Variants in TYW1B observed in about 807,000 individuals in gnomAD.
TYW1B encodes the protein S-adenosyl-L-methionine-dependent tRNA 4-demethylwyosine synthase TYW1B.
TYW1B carries 73 observed loss-of-function variants against 86.9 expected under a neutral mutation model. The observed-to-expected ratio is 0.84, with a 90% confidence interval of 0.70 to 1.02. The LOEUF is 1.02. TYW1B is among the 50% of genes least tolerant of loss of function. TYW1B has a pLI of 0.00. For missense variants in TYW1B, 637 were observed against 827.4 expected, an observed-to-expected ratio of 0.77 and a Z score of 2.82; for synonymous variants, 248 against 292.8, an observed-to-expected ratio of 0.85 and a Z score of 1.56.
chr7:72,670,362 T>C, intron 11 of TYW1B, among the ~76,000 whole-genome samples: 1 of 152,166 alleles, frequency 6.6e-6, no homozygotes, highest in African/African-American at 2.4e-5. Flanking sequence ...CAACTAATTC[T>C]GTATTTTTAG....
chr7:72,612,880 G>T (rs1452705736), intron 13 of TYW1B, among the ~76,000 whole-genome samples: 2 of 151,914 alleles, frequency 1.3e-5, no homozygotes, highest in African/African-American at 4.8e-5. Context: ...CCCCTAAGTA[G>T]CTGGGACTAC....
chr7:72,663,390 G>A (rs1309150447), intron 11 of TYW1B, among the ~76,000 whole-genome samples: 2 of 152,066 alleles, frequency 1.3e-5, no homozygotes, highest in Admixed American at 1.3e-4. Flanking sequence ...CCACCCGGGT[G>A]CTCTTGGAGT....
At chr7:72,670,921 G>C (rs543515574) in intron 11 of TYW1B, among the ~76,000 whole-genome samples, 8 of 152,268 alleles carry the variant, frequency 5.3e-5, no homozygotes, top group Non-Finnish European at 8.8e-5. Context: ...TTATTTTTAT[G>C]ATGGCCTCTT....
chr7:72,729,647 C>T (rs1234051529), intron 8 of TYW1B, among the ~76,000 whole-genome samples: 8 of 152,062 alleles, frequency 5.3e-5, no homozygotes, highest in African/African-American at 1.2e-4. Context: ...AGGAGACCAC[C>T]CCCAAGACAG....
chr7:72,696,765 G>C (rs184878601), intron 10 of TYW1B, among the ~76,000 whole-genome samples: 35 of 152,262 alleles, frequency 2.3e-4, no homozygotes, highest in African/African-American at 8.4e-4. Flanking sequence ...GTTCACTTCT[G>C]TTAAAAGTGG....
chr7:72,700,544 A>G (rs1266045090), intron 10 of TYW1B, among the ~76,000 whole-genome samples: 3 of 152,146 alleles, frequency 2.0e-5, no homozygotes, highest in Non-Finnish European at 2.9e-5. Context: ...GTTATTTAAC[A>G]GTGTGTTGTT....
intron 13 of TYW1B, among the ~76,000 whole-genome samples, chr7:72,586,155 C>T (rs1350943098): frequency 6.6e-6 from 1 of 152,118 alleles, no homozygotes; most frequent in Non-Finnish European, 1.5e-5. Flanking sequence ...CATGTGGGAC[C>T]GAGTCTAGGA....
chr7:72,702,735 G>A (rs1309353092), intron 10 of TYW1B, among the ~76,000 whole-genome samples: 1 of 151,956 alleles, frequency 6.6e-6, no homozygotes, highest in Admixed American at 6.6e-5. Context: ...AATATAACAA[G>A]TTAACATCAC....
At chr7:72,807,936 G>A (rs1554477150) in intron 4 of TYW1B, among the ~76,000 whole-genome samples, 1 of 152,078 alleles carries the variant, frequency 6.6e-6, no homozygotes, top group East Asian at 1.9e-4. Flanking sequence ...GCCAGGCGAA[G>A]TGTCTCACGT....
At chr7:72,799,610 C>T (rs1451365992) in intron 6 of TYW1B, among the ~76,000 whole-genome samples, 3 of 152,004 alleles carry the variant, frequency 2.0e-5, no homozygotes, top group Admixed American at 6.6e-5. Context: ...GGACTACAGA[C>T]GCCCACCACC....
rs1049763509 is a variant in TYW1B, at chr7:72,805,572, C to T, written c.723+1494G>A. 4.0e-5 allele frequency among the ~76,000 whole-genome samples: 6 copies of T among 150,794 alleles called. No individual in the cohort carries two copies. The East Asian group carries it at 9.8e-4, about 25-fold the overall frequency. ...AGGCTGCAGTGAGCCATGATCATAC[C>T]GTTGTACTCTGACTGGGGGTGACAG... is the stretch of plus-strand genomic sequence containing the variant. On this transcript the variant is annotated intron_variant, in intron 5 of 13. Transcript: ENST00000620995.
At chr7:72,672,101 T>C (rs112193615) in intron 11 of TYW1B, among the ~76,000 whole-genome samples, 404 of 135,108 alleles carry the variant, frequency 3.0e-3, no homozygotes, top group Middle Eastern at 7.8e-3. Flanking sequence ...ATAAGTCTCA[T>C]GAGAGCTGAT....
At chr7:72,811,082 T>G (rs1202549985) in intron 3 of TYW1B, among the ~76,000 whole-genome samples, 1 of 151,646 alleles carries the variant, frequency 6.6e-6, no homozygotes, top group Non-Finnish European at 1.5e-5. Flanking sequence ...CCATCCTGGC[T>G]AACACGGTGA....
intron 13 of TYW1B, 100 bp downstream of exon 13, chr7:72,616,572 G>T: frequency 6.4e-7 from 1 of 1,574,096 alleles, no homozygotes; most frequent in Non-Finnish European, 8.7e-7. Flanking sequence ...CAAGCACGCA[G>T]ATCATCCCTA....
At chr7:72,804,492 C>G (rs1554476297) in intron 5 of TYW1B, among the ~76,000 whole-genome samples, 3 of 151,968 alleles carry the variant, frequency 2.0e-5, no homozygotes, top group Non-Finnish European at 4.4e-5. Context: ...ACAGCTATGA[C>G]AATACATAAA....
chr7:72,756,717 A>G (rs1554466212), intron 7 of TYW1B, among the ~76,000 whole-genome samples: 1 of 152,182 alleles, frequency 6.6e-6, no homozygotes, highest in African/African-American at 2.4e-5. Context: ...AGCCACAAAC[A>G]GTGACAAGAG....
intron 8 of TYW1B, among the ~76,000 whole-genome samples, chr7:72,739,982 G>A (rs549827879): frequency 4.5e-4 from 66 of 148,224 alleles, no homozygotes; most frequent in African/African-American, 9.2e-4. Flanking sequence ...CTGTAATCCC[G>A]GCACTTTGGA....
intron 7 of TYW1B, among the ~76,000 whole-genome samples, chr7:72,771,205 C>T (rs182329677): frequency 3.4e-4 from 51 of 152,198 alleles, no homozygotes; most frequent in Non-Finnish European, 5.9e-4. Context: ...TCAAATGATC[C>T]GCCCACCTGG....
intron 11 of TYW1B, among the ~76,000 whole-genome samples, chr7:72,642,615 G>C (rs1812828100): frequency 6.6e-6 from 1 of 152,180 alleles, no homozygotes; most frequent in Non-Finnish European, 1.5e-5. Context: ...AAAAGCTGAA[G>C]TTCTAGGCTG....
Sources: gnomAD v4.1 joint callset for allele counts (sites outside exome capture counted in the v4.1 genomes callset) on GRCh38, gnomAD v4.1.1 for gene constraint, MANE v1.5 for transcripts, NCBI Gene and HGNC (gene_info 2026-07-23, HGNC 2026-07-21) for gene names.